SHANK2: variants seen among roughly 807,000 people sequenced by gnomAD.
SHANK2 encodes SH3 and multiple ankyrin repeat domains protein 2.
Under a neutral mutation model 133.7 loss-of-function variants are expected in SHANK2, and 43 were observed. The ratio of observed to expected loss-of-function variants is 0.32; its 90% confidence interval spans 0.25 to 0.41. The LOEUF (loss-of-function observed/expected upper bound fraction) is 0.41, where lower values mean the gene tolerates loss of function less well. Among genes scored for constraint, SHANK2 ranks in the 10% least tolerant of loss-of-function variants. The pLI is 1.00. For missense variants in SHANK2, 1,994 were observed against 2,235.8 expected (o/e 0.89, Z 2.18); for synonymous variants, 1,017 against 952.8 (o/e 1.07, Z -1.24).
intron 11 of SHANK2, among the ~76,000 whole-genome samples, chr11:70,884,055 A>G (rs1429344267): frequency 6.6e-6 from 1 of 152,186 alleles, no homozygotes; most frequent in Non-Finnish European, 1.5e-5. Flanking sequence ...GGGGCAAGGG[A>G]GGAACTTTCT....
chr11:71,163,575 T>C (rs1953072987), intron 2 of SHANK2, among the ~76,000 whole-genome samples: 1 of 152,232 alleles, frequency 6.6e-6, no homozygotes, highest in Non-Finnish European at 1.5e-5. Context: ...GCATTGTGAC[T>C]TCCCCTTATC....
At chr11:70,924,877 A>G (rs1555081270) in intron 10 of SHANK2, among the ~76,000 whole-genome samples, 1 of 152,208 alleles carries the variant, frequency 6.6e-6, no homozygotes, top group East Asian at 1.9e-4. Flanking sequence ...CGCAGACAGC[A>G]CAGGGTCTGC....
chr11:70,681,662 C>G (rs541380436), intron 15 of SHANK2, among the ~76,000 whole-genome samples: 2 of 152,108 alleles, frequency 1.3e-5, no homozygotes, highest in East Asian at 1.9e-4. Context: ...CGCTGGGGCA[C>G]GCTGAGCTCC....
chr11:70,581,256 T>C (rs1554985393), intron 17 of SHANK2, among the ~76,000 whole-genome samples: 1 of 152,228 alleles, frequency 6.6e-6, no homozygotes, highest in Non-Finnish European at 1.5e-5. Flanking sequence ...TCCAGTACCT[T>C]AGGAAAGGCC....
At chr11:71,113,702 A>G (rs1234192304) in intron 4 of SHANK2, among the ~76,000 whole-genome samples, 2 of 152,192 alleles carry the variant, frequency 1.3e-5, no homozygotes, top group Non-Finnish European at 2.9e-5. Flanking sequence ...AGGGGAATGG[A>G]TCAGCCCTTG....
chr11:70,792,991 G>A (rs527342348), intron 14 of SHANK2, among the ~76,000 whole-genome samples: 1 of 152,178 alleles, frequency 6.6e-6, no homozygotes, highest in African/African-American at 2.4e-5. Flanking sequence ...GGAAGTCAAG[G>A]CATGTAATGA....
intron 17 of SHANK2, among the ~76,000 whole-genome samples, chr11:70,605,966 T>TA (rs1199730596): frequency 6.6e-6 from 1 of 151,812 alleles, no homozygotes; most frequent in African/African-American, 2.4e-5. Context: ...CTCCTTGGGG[T>TA]AAAAAGATGG....
intron 22 of SHANK2, 47 bp downstream of exon 22, chr11:70,492,288 G>A (rs1555155998): frequency 1.2e-6 from 2 of 1,602,028 alleles, no homozygotes; most frequent in South Asian, 1.1e-5. Flanking sequence ...CCACTTCCTG[G>A]GCACCGTCGG....
intron 15 of SHANK2, among the ~76,000 whole-genome samples, chr11:70,695,657 G>A (rs1591758106): frequency 6.6e-6 from 1 of 152,326 alleles, no homozygotes; most frequent in East Asian, 1.9e-4. Context: ...AGGCTCAGAT[G>A]CTCATTAACT....
At chr11:70,528,854 C>T (rs555977400) in intron 17 of SHANK2, among the ~76,000 whole-genome samples, 22 of 152,202 alleles carry the variant, frequency 1.4e-4, no homozygotes, top group African/African-American at 4.3e-4. Flanking sequence ...ACCCAGGTGG[C>T]GACTCCTGCT....
chr11:71,175,545 GGAGAGGGAGAGAGA>G lies in SHANK2; in HGVS notation c.-12-28221_-12-28208del, dbSNP rs879987799. On this transcript the variant is annotated intron_variant, in intron 2 of 25. Transcript: ENST00000601538. This position sits in a 1 kb window ranked among gnomAD's most constrained non-coding sequence, Gnocchi z 4.2. The stretch of plus-strand genomic sequence containing the variant: ...GACAGACAGACAGACAGAGGGAGAG[GGAGAGGGAGAGAGA>G]GAGAGAGAGAGAGAGAGAGAGAGAG... Among the ~76,000 whole-genome samples the G allele has an allele frequency of 0.076, 5,984 of 79,062 alleles. 213 individuals are homozygous for G. The highest frequency in any genetic ancestry group is 0.1 in the Non-Finnish European group (3,854 of 37,640). The allele number at this position is 79,062 out of a possible 152,430, so 51.9% of individuals were successfully genotyped here. A position where few individuals can be genotyped will look rare whatever the true frequency, so the allele number is the denominator to read the frequency against.
At chr11:71,086,057 ATATATTATATAATATAT>A (rs1951401146) in intron 8 of SHANK2, among the ~76,000 whole-genome samples, 16 of 78,168 alleles carry the variant, frequency 2.0e-4, no homozygotes, top group African/African-American at 8.4e-4. Context: ...ATGTTATATA[ATATATTATATAATATAT>A]TATGTTATAT....
At chr11:70,691,211 G>C (rs1555020955) in intron 15 of SHANK2, among the ~76,000 whole-genome samples, 1 of 152,162 alleles carries the variant, frequency 6.6e-6, no homozygotes, top group African/African-American at 2.4e-5. Context: ...AAGGGGAACA[G>C]AGAACATGGA....
At chr11:70,800,513 T>C (rs1194457756) in intron 13 of SHANK2, among the ~76,000 whole-genome samples, 4 of 152,232 alleles carry the variant, frequency 2.6e-5, no homozygotes, top group African/African-American at 7.2e-5. Flanking sequence ...TGTTTTCCTC[T>C]AGCCCTCATT....
intron 4 of SHANK2, among the ~76,000 whole-genome samples, chr11:71,115,965 T>C (rs782663074): frequency 3.6e-4 from 55 of 152,116 alleles, no homozygotes; most frequent in African/African-American, 1.3e-3. Flanking sequence ...ATTTTACAGA[T>C]AAGCAAACTG....
At chr11:70,746,708 C>T (rs1252476734) in intron 14 of SHANK2, among the ~76,000 whole-genome samples, 1 of 152,144 alleles carries the variant, frequency 6.6e-6, no homozygotes, top group Non-Finnish European at 1.5e-5. Flanking sequence ...CTTGTTGCTC[C>T]CCTTTGGTCA....
rs573385387 is a variant in SHANK2, at chr11:70,689,887, G to C, written c.1853+8801C>G. On this transcript the variant is annotated intron_variant, in intron 15 of 25. Coordinates refer to ENST00000601538, the MANE Select transcript of SHANK2 (RefSeq NM_012309.5). ...AAAATTGACAACAGAGGACAAGTCA[G>C]CAAGGCTCTAAGCCATGAGTAGAGA... Among the ~76,000 whole-genome samples, 5 of 152,348 alleles carry C rather than the reference G, an allele frequency of 3.3e-5. No homozygotes were observed. The South Asian group carries it at 8.3e-4, about 25-fold the overall frequency.
In SHANK2 at chr11:70,948,115, T is replaced by C. The variant is rs181742973; in HGVS notation, c.1108-51548A>G. Among the ~76,000 whole-genome samples, 13 of 152,264 alleles carry C rather than the reference T, an allele frequency of 8.5e-5. No homozygotes were observed. The East Asian group carries it at 2.5e-3, about 29-fold the overall frequency. On this transcript the variant is annotated intron_variant, in intron 10 of 25. Coordinates refer to ENST00000601538, the MANE Select transcript of SHANK2 (RefSeq NM_012309.5). ...CTCTGACATCCTGAGGGCCCACTCT[T>C]TCCTTCCTCTTTTCCTGGTCTTTGC...
intron 11 of SHANK2, among the ~76,000 whole-genome samples, chr11:70,890,886 C>T (rs1230959161): frequency 6.6e-6 from 1 of 151,646 alleles, no homozygotes; most frequent in African/African-American, 2.4e-5. Context: ...ATCGCTTGAA[C>T]CCGGGAGGCG....
Sources: allele counts gnomAD v4.1 joint callset (sites outside exome capture counted in the v4.1 genomes callset), GRCh38; gene constraint gnomAD v4.1.1; non-coding constraint Gnocchi (gnomAD v3.1); transcripts MANE v1.5; gene names NCBI Gene and HGNC (gene_info 2026-07-23, HGNC 2026-07-21).